The following ZMIZ1 variants were observed in gnomAD, a reference collection of about 807,000 sequenced individuals.
ZMIZ1 encodes the protein zinc finger MIZ-type containing 1.
A neutral mutation model predicts 113.9 loss-of-function variants in ZMIZ1; 17 were observed. The ratio of observed to expected loss-of-function variants is 0.15; its 90% confidence interval spans 0.10 to 0.22. The LOEUF (loss-of-function observed/expected upper bound fraction) is 0.22, where lower values mean the gene tolerates loss of function less well. Among genes scored for constraint, ZMIZ1 ranks in the 10% least tolerant of loss-of-function variants. The pLI is 1.00. For synonymous variants in ZMIZ1, 607 were observed against 603.1 expected (o/e 1.01, Z -0.09); for missense variants, 1,059 against 1,477.8 (o/e 0.72, Z 4.65).
intron 4 of ZMIZ1, among the ~76,000 whole-genome samples, chr10:79,167,475 A>G (rs955706797): frequency 5.9e-5 from 9 of 152,202 alleles, no homozygotes; most frequent in Admixed American, 3.9e-4. Context: ...AGGCAAGGCC[A>G]CTGCTGTCCT....
intron 5 of ZMIZ1, among the ~76,000 whole-genome samples, chr10:79,207,990 C>G (rs1177601191): frequency 6.6e-6 from 1 of 151,414 alleles, no homozygotes; most frequent in Non-Finnish European, 1.5e-5. Flanking sequence ...CACCAGCCTT[C>G]TCTAGACCTT....
chr10:79,167,038 C>T (rs1217521421), intron 4 of ZMIZ1, among the ~76,000 whole-genome samples: 4 of 152,248 alleles, frequency 2.6e-5, no homozygotes, highest in African/African-American at 9.6e-5. Context: ...TTCATCACAC[C>T]TTCCCACTCT....
rs189904664 is a variant in ZMIZ1, at chr10:79,288,691, C to A, written c.426-1084C>A. On this transcript the variant is annotated intron_variant, in intron 8 of 24. Transcript: ENST00000334512. ...CCGGCTCTGGTGGGAGAGGCAGCTT[C>A]ATCCCCAGCCTCCTGGGGGCTGGCA... Among the ~76,000 whole-genome samples the A allele has an allele frequency of 9.5e-3, 1,444 of 152,258 alleles. 27 individuals are homozygous for A. Among genetic ancestry groups the A allele is most frequent in the African/African-American group, 0.032 (1,338 of 41,544 alleles).
intron 23 of ZMIZ1, 144 bp from the exon 24 acceptor site, chr10:79,310,780 G>C: frequency 2.1e-6 from 2 of 974,598 alleles, no homozygotes; most frequent in Non-Finnish European, 3.0e-6. Flanking sequence ...TCTCTGCCCA[G>C]AAACAACGTT....
At chr10:79,176,014 C>A (rs1024493252) in intron 4 of ZMIZ1, among the ~76,000 whole-genome samples, 1 of 152,036 alleles carries the variant, frequency 6.6e-6, no homozygotes, top group Non-Finnish European at 1.5e-5. Context: ...TTGTCTAATG[C>A]TGGAGCTCAG....
chr10:79,216,372 C>T, intron 7 of ZMIZ1, 98 bp downstream of exon 7: 1 of 1,096,726 alleles, frequency 9.1e-7, no homozygotes, highest in Non-Finnish European at 1.3e-6. Context: ...TCTGGTGCCT[C>T]CATTTGTCTA....
intron 4 of ZMIZ1, among the ~76,000 whole-genome samples, chr10:79,181,207 C>T (rs917288902): frequency 6.6e-6 from 1 of 152,142 alleles, no homozygotes; most frequent in African/African-American, 2.4e-5. Flanking sequence ...GATGGCCCTT[C>T]CCAGTGGGAA....
chr10:79,258,695 C>T (rs1485634409), intron 7 of ZMIZ1, among the ~76,000 whole-genome samples: 2 of 152,216 alleles, frequency 1.3e-5, no homozygotes, highest in African/African-American at 4.8e-5. Context: ...CACCAACATT[C>T]TAGGCTCTCC....
intron 7 of ZMIZ1, among the ~76,000 whole-genome samples, chr10:79,268,212 C>T (rs767500034): frequency 5.9e-5 from 9 of 152,200 alleles, no homozygotes; most frequent in African/African-American, 1.9e-4. Flanking sequence ...CTGGCCCCCA[C>T]GCTGTATGAA....
At chr10:79,076,397 G>T (rs781432917) in intron 1 of ZMIZ1, among the ~76,000 whole-genome samples, 1 of 152,162 alleles carries the variant, frequency 6.6e-6, no homozygotes, top group African/African-American at 2.4e-5. Context: ...TCAGGGTGAG[G>T]ACGAAGGATG....
At chr10:79,117,512 A>ATTCTATG (rs912018544) in intron 1 of ZMIZ1, among the ~76,000 whole-genome samples, 5 of 152,374 alleles carry the variant, frequency 3.3e-5, no homozygotes, top group Admixed American at 6.5e-5. Context: ...TGGAAACACC[A>ATTCTATG]GTTGACCCAT....
At chr10:79,254,811 G>A (rs1039817814) in intron 7 of ZMIZ1, among the ~76,000 whole-genome samples, 10 of 152,172 alleles carry the variant, frequency 6.6e-5, no homozygotes, top group African/African-American at 1.7e-4. Context: ...GAGGGACCTC[G>A]GCCTTGTTGG....
rs886702698 is a variant in ZMIZ1, at chr10:79,233,123, G to A, written c.280+16849G>A. Reference sequence around the variant, plus strand: ...TCCCAGGTTTGTCTGGGGCCCAAGGGGGGTGTGGGCTCCCCTTGTTGAGGG... The same window carrying A: ...TCCCAGGTTTGTCTGGGGCCCAAGGAGGGTGTGGGCTCCCCTTGTTGAGGG... On this transcript the variant is annotated intron_variant, in intron 7 of 24. Coordinates refer to ENST00000334512, the MANE Select transcript of ZMIZ1 (RefSeq NM_020338.4). Among the ~76,000 whole-genome samples, 6 of 152,316 alleles carry A rather than the reference G, an allele frequency of 3.9e-5. 1 individual carries two copies. In the South Asian group the frequency reaches 1.0e-3, roughly 26 times the overall value.
At chr10:79,101,265 C>T (rs1843354985) in intron 1 of ZMIZ1, among the ~76,000 whole-genome samples, 1 of 152,126 alleles carries the variant, frequency 6.6e-6, no homozygotes, top group South Asian at 2.1e-4. Flanking sequence ...GCTGAGCTCA[C>T]TGTGCTGGTG....
Position 79,296,374 on chromosome 10 carries a change from G to A in ZMIZ1, c.1231-97G>A. ...TGGGTGGGAAACAGCAGGAGCAAATGAGGAGAGGCGGGCCCCATCCCGTTG... is the reference window on the plus strand; with the variant it reads ...TGGGTGGGAAACAGCAGGAGCAAATAAGGAGAGGCGGGCCCCATCCCGTTG... On this transcript the variant is annotated intron_variant, in intron 12 of 24. Coordinates refer to ENST00000334512, the MANE Select transcript of ZMIZ1 (RefSeq NM_020338.4). This position sits in a 1 kb window ranked among gnomAD's most constrained non-coding sequence, Gnocchi z 4.1. 1 of 1,334,094 alleles carries A rather than the reference G, an allele frequency of 7.5e-7. No homozygotes were observed. The highest frequency in any genetic ancestry group is 1.1e-6 in the Non-Finnish European group (1 of 940,570). The allele number at this position is 1,334,094 out of a possible 1,614,324, so 82.6% of individuals were successfully genotyped here.
chr10:79,294,013 C>T (rs879623758), intron 12 of ZMIZ1: 9 of 360,160 alleles, frequency 2.5e-5, no homozygotes, highest in Non-Finnish European at 4.8e-5. Flanking sequence ...TTTAGTTCCT[C>T]CTGCCCACAT....
chr10:79,284,090 A>C (rs1473176213), intron 8 of ZMIZ1, among the ~76,000 whole-genome samples: 1 of 152,216 alleles, frequency 6.6e-6, no homozygotes, highest in Non-Finnish European at 1.5e-5. Context: ...CGTTCCTTTC[A>C]TGAATGTGTG....
At chr10:79,242,461 C>T (rs1373954589) in intron 7 of ZMIZ1, among the ~76,000 whole-genome samples, 3 of 152,150 alleles carry the variant, frequency 2.0e-5, no homozygotes, top group Non-Finnish European at 2.9e-5. Context: ...AGTAAGATGC[C>T]GGGCCGCCTA....
chr10:79,133,924 AT>A (rs994802288), intron 2 of ZMIZ1, among the ~76,000 whole-genome samples: 1 of 152,236 alleles, frequency 6.6e-6, no homozygotes, highest in African/African-American at 2.4e-5. Flanking sequence ...TTTTGCATTT[AT>A]TTCTGCTAAT....
Sources: gnomAD v4.1 joint callset for allele counts (sites outside exome capture counted in the v4.1 genomes callset) on GRCh38, gnomAD v4.1.1 for gene constraint, Gnocchi (gnomAD v3.1) non-coding constraint, MANE v1.5 for transcripts, NCBI Gene and HGNC (gene_info 2026-07-23, HGNC 2026-07-21) for gene names.